DPP6: variants seen among roughly 807,000 people sequenced by gnomAD.
The protein encoded by DPP6 is A-type potassium channel modulatory protein DPP6.
DPP6 carries 69 observed loss-of-function variants against 122.6 expected under a neutral mutation model. The observed-to-expected ratio is 0.56, with a 90% CI of 0.46 to 0.69. The LOEUF (loss-of-function observed/expected upper bound fraction) is 0.69. Ranked by LOEUF, DPP6 falls within the 30% of genes least tolerant of loss-of-function variation. The pLI, the probability that DPP6 is intolerant of heterozygous loss-of-function variation, is 0.00. For synonymous variants in DPP6, 418 were observed against 433.1 expected, an observed-to-expected ratio of 0.97 and a Z score of 0.43; for missense variants, 928 against 1,116.9, an observed-to-expected ratio of 0.83 and a Z score of 2.41.
At chr7:153,990,213 AAGCCCCACCCTCTTCC>A (rs1797098561) in intron 1 of DPP6, among the ~76,000 whole-genome samples, 3 of 60,800 alleles carry the variant, frequency 4.9e-5, no homozygotes, top group East Asian at 4.0e-4. Context: ...ATCTCTTAGT[AAGCCCCACCCTCTTCC>A]AGCCCCACCC....
chr7:154,873,851 C>A (rs1804602432), intron 19 of DPP6, among the ~76,000 whole-genome samples: 1 of 149,176 alleles, frequency 6.7e-6, no homozygotes, highest in Non-Finnish European at 1.5e-5. Context: ...CATATGCATA[C>A]CCACATGCAC....
chr7:153,989,495 C>T (rs1313902300), intron 1 of DPP6, among the ~76,000 whole-genome samples: 1 of 151,612 alleles, frequency 6.6e-6, no homozygotes, highest in Non-Finnish European at 1.5e-5. Flanking sequence ...AGCAGGGCAC[C>T]AGGGCACCCT....
chr7:154,225,275 T>G (rs902107544), intron 1 of DPP6, among the ~76,000 whole-genome samples: 1 of 152,228 alleles, frequency 6.6e-6, no homozygotes, highest in African/African-American at 2.4e-5. Context: ...TCAGAAAATA[T>G]GCACTTTTCT....
intron 2 of DPP6, among the ~76,000 whole-genome samples, chr7:154,459,685 C>T (rs937897910): frequency 8.6e-5 from 13 of 150,820 alleles, no homozygotes; most frequent in Non-Finnish European, 1.9e-4. Context: ...GGCGTCATGG[C>T]GCGTGCCTGT....
chr7:154,582,185 T>A (rs1832118613), intron 5 of DPP6, among the ~76,000 whole-genome samples: 1 of 152,216 alleles, frequency 6.6e-6, no homozygotes, highest in Non-Finnish European at 1.5e-5. Flanking sequence ...AAGGTTTCAT[T>A]GAGTGCAGAT....
intron 7 of DPP6, among the ~76,000 whole-genome samples, chr7:154,678,764 C>A (rs574270205): frequency 6.6e-6 from 1 of 152,292 alleles, no homozygotes; most frequent in Non-Finnish European, 1.5e-5. Flanking sequence ...TCAAAAGGGC[C>A]AGATTCAGAT....
chr7:154,187,329 T>G (rs1197020430), intron 1 of DPP6, among the ~76,000 whole-genome samples: 4 of 152,232 alleles, frequency 2.6e-5, no homozygotes, highest in African/African-American at 9.7e-5. Flanking sequence ...TTCTACTTGC[T>G]GTGGCTGGAA....
intron 8 of DPP6, among the ~76,000 whole-genome samples, chr7:154,768,231 ACCTGGGAG>A (rs575180269): frequency 9.7e-4 from 147 of 152,304 alleles, no homozygotes; most frequent in African/African-American, 3.3e-3. Context: ...CTCCCGCAGA[ACCTGGGAG>A]GCTGTTGATG....
At chr7:154,493,371 T>C (rs539556797) in intron 3 of DPP6, among the ~76,000 whole-genome samples, 3 of 152,180 alleles carry the variant, frequency 2.0e-5, no homozygotes, top group Non-Finnish European at 4.4e-5. Flanking sequence ...CCTGCAACTT[T>C]CCGTGGTTCA....
At position 154,894,210 on chromosome 7, in the gene DPP6, G is replaced by A. The variant is rs1374162872; in HGVS notation, c.*1730G>A. On this transcript the variant is annotated 3_prime_UTR_variant, in exon 26 of 26. Coordinates refer to ENST00000377770, the MANE Select transcript of DPP6 (RefSeq NM_130797.4). ...GGAAGGGGAAGCCAGCTCTGGCCAC[G>A]ACATCTGGTCGGAGGGAAGTGGGGA... The A allele has an allele frequency of 2.0e-5, 3 of 152,280 alleles. No homozygotes were observed. The highest frequency in any genetic ancestry group is 7.2e-5 in the African/African-American group (3 of 41,454). 9.4% of individuals were successfully genotyped at this position (152,280 alleles called of 1,614,324 possible).
chr7:154,250,140 C>G (rs949265835), intron 1 of DPP6, among the ~76,000 whole-genome samples: 2 of 152,126 alleles, frequency 1.3e-5, no homozygotes, highest in Non-Finnish European at 2.9e-5. Flanking sequence ...CCCTCTCAAG[C>G]GGACTCCCTT....
At position 154,587,711 on chromosome 7, in the gene DPP6, C is replaced by T. The variant is rs370428722; in HGVS notation, c.627+20795C>T. 2,862 of 1,553,464 alleles carry T rather than the reference C, an allele frequency of 1.8e-3. 79 individuals carry two copies. In the South Asian group the frequency reaches 0.032, roughly 17 times the overall value. ...CATTCAAAATCATGTGACTCATTAG[C>T]AGTAAGTCAAGCCTGTAGCCCAGCT... On this transcript the variant is annotated intron_variant, in intron 5 of 25. Transcript: ENST00000377770.
At position 154,053,995 on chromosome 7, in the gene DPP6, C is replaced by T. The variant is rs1167082398; in HGVS notation, c.243+932C>T. ...GGAAACTGTGCTTTTTCTTTGAGGC[C>T]TTCTTTTCCCAGGGAAAAGAGAAAA... On this transcript the variant is annotated intron_variant, in intron 1 of 25. Coordinates refer to ENST00000377770, the MANE Select transcript of DPP6 (RefSeq NM_130797.4). Among the ~76,000 whole-genome samples, 4 of 148,096 alleles carry T rather than the reference C, an allele frequency of 2.7e-5. No homozygotes were observed. The South Asian group carries it at 6.8e-4, about 25-fold the overall frequency.
At chr7:153,974,642 G>T (rs1796202686) in intron 1 of DPP6, among the ~76,000 whole-genome samples, 1 of 152,128 alleles carries the variant, frequency 6.6e-6, no homozygotes, top group African/African-American at 2.4e-5. Flanking sequence ...TGTCTCCAAG[G>T]CTCACTGACT....
At chr7:154,889,843 G>A in intron 25 of DPP6, 1 of 380,854 alleles carries the variant, frequency 2.6e-6, no homozygotes, top group Non-Finnish European at 4.8e-6. Flanking sequence ...ACCCTGCCCA[G>A]CAGTGTGGCT....
the DPP6 span, among the ~76,000 whole-genome samples, chr7:153,872,713 G>T: frequency 6.0e-4 from 91 of 152,160 alleles, no homozygotes; most frequent in Non-Finnish European, 1.3e-4. Context: ...TGAGGCATGG[G>T]GGCCCCACAG....
intron 1 of DPP6, among the ~76,000 whole-genome samples, chr7:154,221,293 A>G (rs905612532): frequency 6.6e-6 from 1 of 152,130 alleles, no homozygotes; most frequent in African/African-American, 2.4e-5. Flanking sequence ...GGTGCCTGCC[A>G]CCATGCCCAG....
intron 1 of DPP6, among the ~76,000 whole-genome samples, chr7:154,342,767 C>A (rs1459148959): frequency 6.6e-6 from 1 of 152,130 alleles, no homozygotes. Context: ...CTTCCAAATG[C>A]GAGATTCCAA....
intron 1 of DPP6, among the ~76,000 whole-genome samples, chr7:153,998,136 A>C (rs1454611675): frequency 6.6e-6 from 1 of 151,938 alleles, no homozygotes; most frequent in African/African-American, 2.4e-5. Context: ...AAGACCAAAA[A>C]GAGGTTACAG....
Sources: allele counts gnomAD v4.1 joint callset (sites outside exome capture counted in the v4.1 genomes callset), GRCh38; gene constraint gnomAD v4.1.1; transcripts MANE v1.5; gene names NCBI Gene and HGNC (gene_info 2026-07-23, HGNC 2026-07-21).